DUSP16: variants seen among roughly 807,000 people sequenced by gnomAD.
DUSP16 encodes the protein dual specificity protein phosphatase 16.
A neutral mutation model predicts 58.3 loss-of-function variants in DUSP16; 21 were observed. The ratio of observed to expected loss-of-function variants is 0.36; its 90% CI spans 0.26 to 0.52. The LOEUF (loss-of-function observed/expected upper bound fraction) is 0.52. Among genes scored for constraint, DUSP16 ranks in the 20% least tolerant of loss-of-function variants. The probability of loss-of-function intolerance (pLI) is 0.94; values close to 1 mark genes in which losing one functional copy is unlikely to be tolerated. For synonymous variants in DUSP16, 320 were observed against 323.8 expected (o/e 0.99, Z 0.12); for missense variants, 726 against 819.0 (o/e 0.89, Z 1.39).
At chr12:12,503,224 CTTTTTTT>C (rs34349090) in intron 3 of DUSP16, among the ~76,000 whole-genome samples, 9 of 115,432 alleles carry the variant, frequency 7.8e-5, no homozygotes, top group African/African-American at 2.9e-4. Context: ...CTGGTTATTG[CTTTTTTT>C]TTTTTTTTTT....
Position 12,473,304 on chromosome 12 carries a change from A to G in DUSP16, c.*3529T>C, listed in dbSNP as rs551298620. Among the ~76,000 whole-genome samples the G allele has an allele frequency of 2.4e-3, 365 of 152,152 alleles. 1 individual carries two copies. Among genetic ancestry groups the G allele is most frequent in the African/African-American group, 7.5e-3 (312 of 41,504 alleles). ...TTAGTTTAATTCCTGGTCTAATTGT[A>G]GTTGTCACATCCAAACCAGTCCTCC... On this transcript the variant is annotated 3_prime_UTR_variant, in exon 7 of 7. Transcript: ENST00000298573.
At chr12:12,548,369 C>T (rs1201214297) in intron 1 of DUSP16, among the ~76,000 whole-genome samples, 1 of 152,196 alleles carries the variant, frequency 6.6e-6, no homozygotes, top group Non-Finnish European at 1.5e-5. Context: ...GGCACAGTGG[C>T]TCATGCCTGT....
chr12:12,500,817 C>T, intron 3 of DUSP16, 135 bp from the exon 4 acceptor site: 1 of 788,240 alleles, frequency 1.3e-6, no homozygotes, highest in Non-Finnish European at 1.9e-6. Context: ...CTGGCTACAG[C>T]TGCTGATGCT....
At chr12:12,479,258 G>T in intron 6 of DUSP16, among the ~76,000 whole-genome samples, 2 of 147,508 alleles carry the variant, frequency 1.4e-5, no homozygotes, top group Non-Finnish European at 3.0e-5. Context: ...CTGAAAATTT[G>T]CATTTGAATA....
intron 5 of DUSP16, among the ~76,000 whole-genome samples, chr12:12,481,513 T>C (rs1000825105): frequency 6.6e-6 from 1 of 152,244 alleles, no homozygotes; most frequent in Non-Finnish European, 1.5e-5. Flanking sequence ...CAAAGAATCT[T>C]ACTTTGGCAG....
At chr12:12,528,617 T>C (rs899551554) in intron 1 of DUSP16, among the ~76,000 whole-genome samples, 5 of 152,164 alleles carry the variant, frequency 3.3e-5, no homozygotes, top group African/African-American at 1.2e-4. Flanking sequence ...AAGTACTTAT[T>C]TGGCACCTAA....
chr12:12,488,729 C>G (rs1040361649), intron 4 of DUSP16, among the ~76,000 whole-genome samples: 1 of 152,140 alleles, frequency 6.6e-6, no homozygotes, highest in Non-Finnish European at 1.5e-5. Context: ...CATGCCAGTT[C>G]CCTAATCTCT....
intron 1 of DUSP16, among the ~76,000 whole-genome samples, chr12:12,550,239 C>G (rs1341944014): frequency 6.6e-6 from 1 of 150,854 alleles, no homozygotes; most frequent in Non-Finnish European, 1.5e-5. Flanking sequence ...CGCCATTGCC[C>G]TCCAGCCTGG....
intron 3 of DUSP16, among the ~76,000 whole-genome samples, chr12:12,504,173 C>T (rs1388652126): frequency 6.6e-6 from 1 of 152,190 alleles, no homozygotes; most frequent in Non-Finnish European, 1.5e-5. Flanking sequence ...CTTACACCTA[C>T]CCAACCTAAC....
chr12:12,532,030 C>T (rs1197493594), intron 1 of DUSP16, among the ~76,000 whole-genome samples: 3 of 150,320 alleles, frequency 2.0e-5, no homozygotes, highest in South Asian at 2.1e-4. Context: ...CGGTGGCGGG[C>T]GCCTGTGGTC....
intron 4 of DUSP16, among the ~76,000 whole-genome samples, chr12:12,497,743 G>A (rs1015342063): frequency 2.0e-5 from 3 of 151,428 alleles, no homozygotes; most frequent in Admixed American, 6.6e-5. Context: ...AGGCTGAGGC[G>A]GGCGGATCAC....
chr12:12,519,051 C>A (rs563579594), intron 3 of DUSP16, among the ~76,000 whole-genome samples: 1 of 152,228 alleles, frequency 6.6e-6, no homozygotes, highest in Non-Finnish European at 1.5e-5. Context: ...AACACAGCAG[C>A]TTTATGTTAA....
intron 3 of DUSP16, among the ~76,000 whole-genome samples, chr12:12,516,726 T>C (rs1944160395): frequency 3.3e-5 from 5 of 152,364 alleles, no homozygotes; most frequent in Admixed American, 2.0e-4. Context: ...ATCTGAAGTT[T>C]TCTCTACTTT....
rs571024264 is a variant in DUSP16 at position 12,525,735 on chromosome 12, C to T, written c.-365-4272G>A. On this transcript the variant is annotated intron_variant, in intron 1 of 6. Coordinates refer to ENST00000298573, the MANE Select transcript of DUSP16 (RefSeq NM_030640.3). ...AAAAAATTAAAAATATATGTATACA[C>T]ACACACACACACACACACACACACA... 4.2e-3 allele frequency among the ~76,000 whole-genome samples: 589 copies of T among 138,996 alleles called. 8 individuals carry two copies. The highest frequency in any genetic ancestry group is 0.015 in the African/African-American group (555 of 37,710). The allele number at this position is 138,996 out of a possible 152,430, so 91.2% of individuals were successfully genotyped here. A position where few individuals can be genotyped will look rare whatever the true frequency, so the allele number is the denominator to read the frequency against.
chr12:12,547,646 T>C (rs115514023), intron 1 of DUSP16, among the ~76,000 whole-genome samples: 232 of 150,530 alleles, frequency 1.5e-3, no homozygotes, highest in African/African-American at 5.5e-3. Flanking sequence ...ACAGCAGCAT[T>C]AAAAAAACAA....
At position 12,486,481 on chromosome 12, in the gene DUSP16, AGTGTGTGTGTGTGT is replaced by A. The variant is rs56941943; in HGVS notation, c.691+533_691+546del. Among the ~76,000 whole-genome samples the A allele has an allele frequency of 2.3e-4, 34 of 147,374 alleles. No individual in the cohort carries two copies. In the East Asian group the frequency reaches 3.2e-3, roughly 14 times the overall value. ...ATTGCCAGGAAAATAACCAAATGAG[AGTGTGTGTGTGTGT>A]GTGTGTGTGTGTGTGTGTGTGTGAA... On this transcript the variant is annotated intron_variant, in intron 5 of 6. Transcript: ENST00000298573.
intron 4 of DUSP16, among the ~76,000 whole-genome samples, chr12:12,497,330 A>G (rs780763403): frequency 1.3e-5 from 2 of 152,228 alleles, no homozygotes; most frequent in Non-Finnish European, 2.9e-5. Context: ...GAAATTCTCC[A>G]TTGTGACTCA....
intron 1 of DUSP16, among the ~76,000 whole-genome samples, chr12:12,549,200 G>T (rs1944691730): frequency 6.8e-6 from 1 of 147,280 alleles, no homozygotes; most frequent in Admixed American, 6.9e-5. Flanking sequence ...GACTGAAAAA[G>T]TGGCACTGCT....
intron 4 of DUSP16, among the ~76,000 whole-genome samples, chr12:12,492,549 C>A (rs1943776609): frequency 6.6e-6 from 1 of 152,152 alleles, no homozygotes; most frequent in South Asian, 2.1e-4. Flanking sequence ...TGTACAGGAT[C>A]ATTCTTCCTA....
Sources: gnomAD v4.1 joint callset for allele counts (sites outside exome capture counted in the v4.1 genomes callset) on GRCh38, gnomAD v4.1.1 for gene constraint, MANE v1.5 for transcripts, NCBI Gene and HGNC (gene_info 2026-07-23, HGNC 2026-07-21) for gene names.